WDHD1: variants seen among roughly 807,000 people sequenced by gnomAD.
WDHD1 encodes the protein WD repeat and HMG-box DNA-binding protein 1.
Under a neutral mutation model 135.4 loss-of-function variants are expected in WDHD1, and 111 were observed. The observed-to-expected ratio is 0.82, with a 90% CI of 0.70 to 0.96. The LOEUF (loss-of-function observed/expected upper bound fraction) is 0.96, where lower values mean the gene tolerates loss of function less well. Among genes scored for constraint, WDHD1 ranks in the 40% least tolerant of loss-of-function variants. The probability of loss-of-function intolerance (pLI) is 0.00; values close to 1 mark genes in which losing one functional copy is unlikely to be tolerated. For missense variants in WDHD1, 1,351 were observed against 1,336.3 expected (o/e 1.01, Z -0.17); for synonymous variants, 434 against 439.0 (o/e 0.99, Z 0.14).
At chr14:54,983,186 CAAATA>C (rs890388528) in intron 15 of WDHD1, among the ~76,000 whole-genome samples, 18 of 151,810 alleles carry the variant, frequency 1.2e-4, no homozygotes, top group East Asian at 5.8e-4. Context: ...AACACAAAAA[CAAATA>C]AAATAAAATA....
rs200204902 is a variant in WDHD1 at position 54,946,037 on chromosome 14, AATAAC to A, written c.3051-1572_3051-1568del. ...CTTAACGTAAACCGATTTCCAGAAA[AATAAC>A]AGAACAAATCAAAACAAGTAAAAAT... On this transcript the variant is annotated intron_variant, in intron 24 of 25. Coordinates refer to ENST00000360586, the MANE Select transcript of WDHD1 (RefSeq NM_007086.4). Among the ~76,000 whole-genome samples, 811 of 152,324 alleles carry A rather than the reference AATAAC, an allele frequency of 5.3e-3. 9 individuals are homozygous for A. Among genetic ancestry groups the A allele is most frequent in the African/African-American group, 0.018 (766 of 41,566 alleles).
chr14:55,001,057 T>C (rs2041973146), intron 8 of WDHD1, 65 bp from the exon 9 acceptor site: 1 of 1,094,392 alleles, frequency 9.1e-7, no homozygotes. Context: ...CTCATTTTAT[T>C]ACCAAATTCA....
At position 55,002,099 on chromosome 14, in the gene WDHD1, G is replaced by A. The variant is rs1475655795; in HGVS notation, c.687C>T (p.Ile229=). The A allele has an allele frequency of 6.2e-7, 1 of 1,603,524 alleles. No individual in the cohort carries two copies. Among genetic ancestry groups the A allele is most frequent in the Admixed American group, 1.8e-5 (1 of 57,056 alleles). The part of the protein sequence containing the change: ...SHQFDLSDNF[I]SQTLNIVTWS... ...GTCACTTTGTAAAACCTACCTGAGA[G>A]ATGAAATTATCTGAAAGATCAAATT... The change falls in exon 8 of 26, where the codon ATC becomes ATT. Residue 229 remains isoleucine, a synonymous_variant. Transcript: ENST00000360586.
intron 2 of WDHD1, among the ~76,000 whole-genome samples, 180 bp from the exon 3 acceptor site, chr14:55,013,776 T>A (rs1018344695): frequency 6.6e-6 from 1 of 152,096 alleles, no homozygotes; most frequent in African/African-American, 2.4e-5. Context: ...CATGGTTATG[T>A]GTACCTGTAG....
chr14:54,998,331 T>A (rs1391305697), intron 10 of WDHD1, among the ~76,000 whole-genome samples: 2 of 152,064 alleles, frequency 1.3e-5, no homozygotes, highest in Non-Finnish European at 2.9e-5. Flanking sequence ...GGTTTCGTCA[T>A]GTTGGCCAGG....
chr14:54,986,717 G>A (rs8019354), intron 14 of WDHD1, among the ~76,000 whole-genome samples: 4,374 of 152,172 alleles, frequency 0.029, 200 homozygotes, highest in African/African-American at 0.1. Flanking sequence ...AGAGATTATC[G>A]GTTACCTTGA....
chr14:54,989,912 C>T (rs2041757005), intron 12 of WDHD1, among the ~76,000 whole-genome samples: 2 of 152,156 alleles, frequency 1.3e-5, no homozygotes, highest in Non-Finnish European at 2.9e-5. Context: ...GACCAACCCA[C>T]CTTGGCCTCC....
chr14:55,004,713 A>G, intron 7 of WDHD1: 6 of 354,952 alleles, frequency 1.7e-5, no homozygotes, highest in South Asian at 4.4e-5. Flanking sequence ...TCAGCCTCCC[A>G]AAGTGCTGGG....
intron 24 of WDHD1, among the ~76,000 whole-genome samples, chr14:54,949,997 TA>T (rs1351366023): frequency 1.3e-5 from 2 of 152,026 alleles, no homozygotes; most frequent in Admixed American, 1.3e-4. Flanking sequence ...AAAGAAGCAC[TA>T]AACATGGAAA....
chr14:55,011,749 T>C (rs2042174978), intron 3 of WDHD1, among the ~76,000 whole-genome samples: 1 of 151,874 alleles, frequency 6.6e-6, no homozygotes, highest in South Asian at 2.1e-4. Context: ...GTAAACTTAT[T>C]TTCAACTTAT....
At chr14:54,958,096 T>A (rs2041189965) in intron 21 of WDHD1, among the ~76,000 whole-genome samples, 1 of 151,424 alleles carries the variant, frequency 6.6e-6, no homozygotes, top group Non-Finnish European at 1.5e-5. Flanking sequence ...TTCCTTCCAG[T>A]CACCATTTTC....
chr14:54,981,586 C>T lies in WDHD1; in HGVS notation c.2017G>A (p.Asp673Asn). ...NTREHCKGKS[D>N]HYWVVGIHEN... is the part of the protein sequence containing the mutation. Reference sequence around the variant, plus strand: ...TGGATACCAACCACCCAGTAGTGATCAGATTTTCCTTTGCAGTGCTCTCTT... The same window carrying T: ...TGGATACCAACCACCCAGTAGTGATTAGATTTTCCTTTGCAGTGCTCTCTT... The change falls in exon 16 of 26, where the codon GAT (aspartate) becomes AAT (asparagine). Residue 673 changes from aspartate (D) to asparagine (N), a missense_variant. Asp to Asn is a conservative substitution (Grantham distance 23, BLOSUM62 1). Around this residue, in one of 2 missense-constraint regions of WDHD1, gnomAD observed 1,330 missense variants for 1,296.1 expected, o/e 1.03. Coordinates refer to ENST00000360586, the MANE Select transcript of WDHD1 (RefSeq NM_007086.4). 1 of 1,613,590 alleles carries T rather than the reference C, an allele frequency of 6.2e-7. No homozygotes were observed. Among genetic ancestry groups the T allele is most frequent in the African/African-American group, 1.3e-5 (1 of 75,022 alleles).
chr14:55,023,697 T>C (rs1284981806), intron 2 of WDHD1, among the ~76,000 whole-genome samples: 1 of 152,190 alleles, frequency 6.6e-6, no homozygotes, highest in Non-Finnish European at 1.5e-5. Flanking sequence ...CTCATGAGCA[T>C]CATACAGTGT....
intron 24 of WDHD1, among the ~76,000 whole-genome samples, chr14:54,952,236 G>A (rs2041069688): frequency 1.3e-5 from 2 of 152,320 alleles, no homozygotes; most frequent in South Asian, 2.1e-4. Context: ...TGTATATTTA[G>A]AAAACCCCGT....
In WDHD1 at chr14:54,941,003, T is replaced by C. The variant is rs1187121459; in HGVS notation, c.*487A>G. ...AAAAGAAAAAGTCTCACCTACAAGA[T>C]TATTTACATGTTTAGGGCCAGTATT... On this transcript the variant is annotated 3_prime_UTR_variant, in exon 26 of 26. Transcript: ENST00000360586. 1 of 152,172 alleles carries C rather than the reference T, an allele frequency of 6.6e-6. No homozygotes were observed. The highest frequency in any genetic ancestry group is 1.5e-5 in the Non-Finnish European group (1 of 68,046). The allele number at this position is 152,172 out of a possible 1,614,324, so 9.4% of individuals were successfully genotyped here.
At chr14:54,996,186 T>C (rs964798175) in intron 10 of WDHD1, among the ~76,000 whole-genome samples, 6 of 152,236 alleles carry the variant, frequency 3.9e-5, no homozygotes, top group African/African-American at 1.4e-4. Context: ...AGTCTCTCAT[T>C]TACTTTTATT....
intron 24 of WDHD1, among the ~76,000 whole-genome samples, chr14:54,953,184 A>T (rs1224442221): frequency 1.3e-5 from 2 of 152,230 alleles, no homozygotes; most frequent in African/African-American, 2.4e-5. Context: ...CAGAGTGAAC[A>T]GGCAACCTAC....
chr14:55,005,555 C>T (rs1412424974), intron 7 of WDHD1: 2 of 596,438 alleles, frequency 3.4e-6, no homozygotes, highest in African/African-American at 1.8e-5. Context: ...GATGTAGATG[C>T]CAACACTTTT....
chr14:54,986,008 A>G (rs1311006350), intron 14 of WDHD1, among the ~76,000 whole-genome samples: 1 of 152,228 alleles, frequency 6.6e-6, no homozygotes, highest in East Asian at 1.9e-4. Flanking sequence ...CAAACTCTAA[A>G]TAGATTTCAA....
Sources: gnomAD v4.1 joint callset for allele counts (sites outside exome capture counted in the v4.1 genomes callset) on GRCh38, gnomAD v4.1.1 for gene constraint, gnomAD v4.1.1 regional missense constraint, MANE v1.5 for transcripts, NCBI Gene and HGNC (gene_info 2026-07-23, HGNC 2026-07-21) for gene names.